The following HYKK variants were observed in gnomAD, a reference collection of about 807,000 sequenced individuals.
The protein encoded by HYKK is 5-hydroxy-L-lysine kinase.
In HYKK, 19 loss-of-function variants were observed where a neutral mutation model predicts 29.7. The observed-to-expected ratio is 0.64, with a 90% CI of 0.45 to 0.94. The LOEUF (loss-of-function observed/expected upper bound fraction) is 0.94. Ranked by LOEUF, HYKK falls within the 40% of genes least tolerant of loss-of-function variation. The probability of loss-of-function intolerance (pLI) is 0.00; values close to 1 mark genes in which losing one functional copy is unlikely to be tolerated. For synonymous variants in HYKK, 152 were observed against 158.1 expected, an observed-to-expected ratio of 0.96 and a Z score of 0.29; for missense variants, 390 against 443.4, an observed-to-expected ratio of 0.88 and a Z score of 1.08.
intron 4 of HYKK, among the ~76,000 whole-genome samples, chr15:78,530,472 A>G (rs2052300591): frequency 6.6e-6 from 1 of 152,164 alleles, no homozygotes; most frequent in Admixed American, 6.5e-5. Context: ...TACTGTAATT[A>G]CATTGTGATC....
At chr15:78,530,624 TA>T (rs2052302488) in intron 4 of HYKK, among the ~76,000 whole-genome samples, 1 of 151,878 alleles carries the variant, frequency 6.6e-6, no homozygotes, top group Admixed American at 6.6e-5. Flanking sequence ...GGATATTCCT[TA>T]GGACTTTCAA....
intron 4 of HYKK, chr15:78,528,885 TC>T: frequency 1.0e-6 from 1 of 973,858 alleles, no homozygotes; most frequent in Non-Finnish European, 1.2e-6. Context: ...GTTTCCTTAC[TC>T]CGTGTAAACA....
rs766004199 is a variant in HYKK at position 78,514,908 on chromosome 15, C to CTCTCTCTCTCTATATATA, written c.338-59_338-58insCTCTCTCTCTATATATAT. On this transcript the variant is annotated intron_variant, in intron 2 of 4. Transcript: ENST00000388988. ...TAAATACCTCTCTCTCTCTCTCTCTCTATATATATATATATATATAAATAA... is the reference window on the plus strand; with the variant it reads ...TAAATACCTCTCTCTCTCTCTCTCTCTCTCTCTCTCTATATATATATATATATATATATATATAAATAA... The CTCTCTCTCTCTATATATA allele has an allele frequency of 8.8e-5, 34 of 385,500 alleles. No individual in the cohort carries two copies. The East Asian group carries it at 1.4e-3, about 16-fold the overall frequency. The allele number at this position is 385,500 out of a possible 1,614,324, so 23.9% of individuals were successfully genotyped here.
chr15:78,517,188 C>T (rs750995857), intron 3 of HYKK, among the ~76,000 whole-genome samples: 14 of 148,910 alleles, frequency 9.4e-5, no homozygotes, highest in South Asian at 2.1e-4. Context: ...CTCTGCCTCC[C>T]GGGCTCATTG....
chr15:78,515,681 C>T (rs1488635041), intron 3 of HYKK, among the ~76,000 whole-genome samples: 2 of 151,648 alleles, frequency 1.3e-5, no homozygotes, highest in African/African-American at 4.8e-5. Context: ...CTCTGCCTCC[C>T]AGATTCACGC....
chr15:78,532,418 C>A (rs751000255), intron 4 of HYKK, among the ~76,000 whole-genome samples: 63 of 152,274 alleles, frequency 4.1e-4, no homozygotes, highest in Non-Finnish European at 2.2e-4. Context: ...TTGAATAGTA[C>A]TGACTTAAAA....
At chr15:78,524,928 C>A (rs1211496710) in intron 3 of HYKK, among the ~76,000 whole-genome samples, 1 of 152,166 alleles carries the variant, frequency 6.6e-6, no homozygotes, top group Non-Finnish European at 1.5e-5. Context: ...CCCTATGATC[C>A]AATCACCACC....
intron 4 of HYKK, among the ~76,000 whole-genome samples, chr15:78,530,401 G>A (rs2052300193): frequency 6.6e-6 from 1 of 151,950 alleles, no homozygotes; most frequent in African/African-American, 2.4e-5. Context: ...GTATTTAGAA[G>A]TATAAATCCT....
rs181848930 is a variant in HYKK at position 78,513,537 on chromosome 15, G to T, written c.337+112G>T. The T allele has an allele frequency of 4.5e-3, 3,549 of 786,554 alleles. 21 individuals carry two copies. Among genetic ancestry groups the T allele is most frequent in the Non-Finnish European group, 5.2e-3 (2,575 of 495,486 alleles). The allele number at this position is 786,554 out of a possible 1,614,324, so 48.7% of individuals were successfully genotyped here. ...CATAATTCCAAGTGTAGATGTGGTT[G>T]TTATTATTTTTTAGCACCTCAATAG... On this transcript the variant is annotated intron_variant, in intron 2 of 4. Transcript: ENST00000388988.
In HYKK at chr15:78,533,499, T is replaced by C. The variant is rs199619692; in HGVS notation, c.951T>C (p.Leu317=). The C allele has an allele frequency of 6.2e-7, 1 of 1,614,252 alleles. No individual in the cohort carries two copies. Among genetic ancestry groups the C allele is most frequent in the African/African-American group, 1.3e-5 (1 of 75,078 alleles). ...TATGCAGTCGTTTTTGTCAGTCACT[T>C]GTCATGGCTGCATACTCTTGCCAGC... The part of the protein sequence containing the change: ...LLVCSRFCQS[L]VMAAYSCQLY... Residue 317 remains leucine, a synonymous_variant, in exon 5 of 5, where the codon CTT becomes CTC. Transcript: ENST00000388988.
chr15:78,525,476 A>T (rs761613027), intron 3 of HYKK, among the ~76,000 whole-genome samples: 1 of 150,194 alleles, frequency 6.7e-6, no homozygotes, highest in African/African-American at 2.4e-5. Flanking sequence ...TTTAAAAGAA[A>T]TCTAATTTTT....
rs558769524 is a variant in HYKK, at chr15:78,534,174, T to C, written c.*504T>C. On this transcript the variant is annotated 3_prime_UTR_variant, in exon 5 of 5. Coordinates refer to ENST00000388988, the MANE Select transcript of HYKK (RefSeq NM_001013619.4). Reference sequence around the variant, plus strand: ...CACTTTGTATAATGGATCGTGGTTGTGCAGTCATCTTGCCTGAGAGCTACT... The same window carrying C: ...CACTTTGTATAATGGATCGTGGTTGCGCAGTCATCTTGCCTGAGAGCTACT... 1 of 152,784 alleles carries C rather than the reference T, an allele frequency of 6.5e-6. No individual in the cohort carries two copies. Among genetic ancestry groups the C allele is most frequent in the Admixed American group, 6.5e-5 (1 of 15,302 alleles). 9.5% of individuals were successfully genotyped at this position (152,784 alleles called of 1,614,324 possible). A position where few individuals can be genotyped will look rare whatever the true frequency, so the allele number is the denominator to read the frequency against.
chr15:78,519,712 G>C (rs561728226), intron 3 of HYKK, among the ~76,000 whole-genome samples: 1 of 152,158 alleles, frequency 6.6e-6, no homozygotes, highest in Non-Finnish European at 1.5e-5. Context: ...AGTGAGGCGA[G>C]ACCGCACCAC....
rs929342716 is a variant in HYKK at position 78,535,403 on chromosome 15, C to G, written c.*1733C>G. The G allele has an allele frequency of 1.3e-5, 2 of 151,524 alleles. No homozygotes were observed. Among genetic ancestry groups the G allele is most frequent in the South Asian group, 4.2e-4 (2 of 4,792 alleles). The allele number at this position is 151,524 out of a possible 1,614,324, so 9.4% of individuals were successfully genotyped here. A position where few individuals can be genotyped will look rare whatever the true frequency, so the allele number is the denominator to read the frequency against. ...CCTCCCTAGTAGCTGGGACTTCAGG[C>G]ATGTGCCACCATGTCTGGCTAATTC... On this transcript the variant is annotated 3_prime_UTR_variant, in exon 5 of 5. Transcript: ENST00000388988.
chr15:78,510,226 A>G (rs2052059778), intron 1 of HYKK, among the ~76,000 whole-genome samples: 1 of 149,502 alleles, frequency 6.7e-6, no homozygotes, highest in Non-Finnish European at 1.5e-5. Context: ...TCTTTCGCCC[A>G]GGTTGGAGTG....
In HYKK at chr15:78,514,953, A is replaced by G. The variant is rs1243110903; in HGVS notation, c.338-15A>G. ...AAATAATTTAGTCAAAGGATATTTT[A>G]TTCCATCCATTTAGATAGTGGCTCT... On this transcript the variant is annotated splice_polypyrimidine_tract_variant and intron_variant, in intron 2 of 4. Transcript: ENST00000388988. 1.5e-6 allele frequency: 2 copies of G among 1,378,854 alleles called. No homozygotes were observed. Among genetic ancestry groups the G allele is most frequent in the South Asian group, 1.6e-5 (1 of 61,606 alleles). 85.4% of individuals were successfully genotyped at this position (1,378,854 alleles called of 1,614,324 possible).
intron 1 of HYKK, among the ~76,000 whole-genome samples, chr15:78,510,088 CTTTT>C (rs751019496): frequency 4.7e-5 from 7 of 149,620 alleles, no homozygotes; most frequent in Middle Eastern, 3.5e-3. Flanking sequence ...TTCTTTCTTT[CTTTT>C]CTTTCTTTCT....
chr15:78,530,663 A>T (rs894504121), intron 4 of HYKK, among the ~76,000 whole-genome samples: 15 of 151,534 alleles, frequency 9.9e-5, no homozygotes, highest in Middle Eastern at 3.4e-3. Flanking sequence ...GAGCTAAAAA[A>T]TTTTTTTTTA....
At chr15:78,526,501 C>G (rs2141362225) in intron 3 of HYKK, among the ~76,000 whole-genome samples, 1 of 152,268 alleles carries the variant, frequency 6.6e-6, no homozygotes, top group African/African-American at 2.4e-5. Context: ...AATGACGGCA[C>G]TAACCATGTG....
Sources: allele counts gnomAD v4.1 joint callset (sites outside exome capture counted in the v4.1 genomes callset), GRCh38; gene constraint gnomAD v4.1.1; transcripts MANE v1.5; gene names NCBI Gene and HGNC (gene_info 2026-07-23, HGNC 2026-07-21).